NUP214: variants seen among roughly 807,000 people sequenced by gnomAD.
NUP214 encodes nucleoporin 214.
A neutral mutation model predicts 196.2 loss-of-function variants in NUP214; 79 were observed. The ratio of observed to expected loss-of-function variants is 0.40; its 90% CI spans 0.34 to 0.49. The LOEUF (loss-of-function observed/expected upper bound fraction) is 0.49. Ranked by LOEUF, NUP214 falls within the 20% of genes least tolerant of loss-of-function variation. The pLI, the probability that NUP214 is intolerant of heterozygous loss-of-function variation, is 0.58. For synonymous variants in NUP214, 1,020 were observed against 990.5 expected (o/e 1.03, Z -0.56); for missense variants, 2,468 against 2,539.0 (o/e 0.97, Z 0.60).
intron 32 of NUP214, among the ~76,000 whole-genome samples, chr9:131,223,699 CT>C (rs59233291): frequency 0.018 from 1,792 of 101,132 alleles, 65 homozygotes; most frequent in East Asian, 0.11. Flanking sequence ...TCGCAAATCA[CT>C]TTTTTTTTAT....
intron 32 of NUP214, among the ~76,000 whole-genome samples, chr9:131,227,457 T>G (rs1429470266): frequency 1.3e-5 from 2 of 151,782 alleles, no homozygotes; most frequent in African/African-American, 4.8e-5. Context: ...GGGAAGTAAT[T>G]CCAGACTGCA....
At chr9:131,169,992 G>A (rs576549029) in intron 21 of NUP214, among the ~76,000 whole-genome samples, 7 of 152,246 alleles carry the variant, frequency 4.6e-5, no homozygotes, top group African/African-American at 1.7e-4. Context: ...GGTGGCTGCC[G>A]GAAGCTGGAG....
chr9:131,144,061 A>G (rs186799541), intron 11 of NUP214, among the ~76,000 whole-genome samples: 4 of 152,312 alleles, frequency 2.6e-5, no homozygotes, highest in Non-Finnish European at 4.4e-5. Flanking sequence ...ATGAAGTCCA[A>G]TTATTCTAAT....
chr9:131,230,087 T>C (rs1482726249), intron 33 of NUP214: 1 of 213,600 alleles, frequency 4.7e-6, no homozygotes, highest in African/African-American at 2.4e-5. Flanking sequence ...CAGGGGATTG[T>C]CTCCAGGTGG....
chr9:131,155,957 A>G (rs571151545), intron 17 of NUP214, among the ~76,000 whole-genome samples: 1 of 152,148 alleles, frequency 6.6e-6, no homozygotes, highest in African/African-American at 2.4e-5. Context: ...TGCTTTGACT[A>G]TGTGGGCTCT....
At chr9:131,226,762 G>A (rs1482542942) in intron 32 of NUP214, among the ~76,000 whole-genome samples, 1 of 152,172 alleles carries the variant, frequency 6.6e-6, no homozygotes, top group African/African-American at 2.4e-5. Context: ...CAGTTGTGCA[G>A]CCTACCACTG....
intron 17 of NUP214, among the ~76,000 whole-genome samples, chr9:131,158,044 A>G (rs1435717341): frequency 9.9e-5 from 15 of 151,786 alleles, no homozygotes. Context: ...TGGCCTCCCA[A>G]AGTGCTGGGA....
chr9:131,197,461 C>A lies in NUP214; in HGVS notation c.3967C>A (p.Pro1323Thr), dbSNP rs143974993. 14 of 1,614,058 alleles carry A rather than the reference C, an allele frequency of 8.7e-6. No individual in the cohort carries two copies. The highest frequency in any genetic ancestry group is 1.1e-5 in the Non-Finnish European group (13 of 1,180,038). ...GTCCAAGCTGGGAGAGCTTCTGTTT[C>A]CAAGTTCTTTGGCTGGAGAGACTCT... ...PPSKLGELLF[P>T]SSLAGETLGS... Residue 1323 changes from proline to threonine, a missense_variant, in exon 29 of 36, where the codon CCA (proline) becomes ACA (threonine). Pro to Thr is a conservative substitution (Grantham distance 38, BLOSUM62 -1). Coordinates refer to ENST00000359428, the MANE Select transcript of NUP214 (RefSeq NM_005085.4).
At chr9:131,151,967 A>G in intron 17 of NUP214, 73 bp downstream of exon 17, 2 of 1,245,174 alleles carry the variant, frequency 1.6e-6, no homozygotes, top group Admixed American at 2.7e-5. Context: ...CTCTTTTTGC[A>G]TATAGATTTG....
chr9:131,202,345 G>A (rs867398982), intron 30 of NUP214, among the ~76,000 whole-genome samples: 18 of 152,190 alleles, frequency 1.2e-4, no homozygotes, highest in Middle Eastern at 6.8e-3. Context: ...TCTAAGAATG[G>A]TGTTTGTGTG....
chr9:131,143,386 A>T (rs560076796), intron 11 of NUP214, among the ~76,000 whole-genome samples: 1 of 151,826 alleles, frequency 6.6e-6, no homozygotes, highest in African/African-American at 2.4e-5. Context: ...TTATGTTTGT[A>T]AGCTTTATTC....
At chr9:131,223,175 T>C (rs1834610473) in intron 32 of NUP214, among the ~76,000 whole-genome samples, 1 of 151,982 alleles carries the variant, frequency 6.6e-6, no homozygotes, top group African/African-American at 2.4e-5. Context: ...TTTTTTTCTT[T>C]TTTTTTTTGT....
intron 27 of NUP214, chr9:131,192,626 G>A (rs904958188): frequency 5.8e-5 from 11 of 188,586 alleles, no homozygotes; most frequent in African/African-American, 2.4e-4. Flanking sequence ...ACCATTTTGG[G>A]GGCTAGATGT....
Position 131,146,019 on chromosome 9 carries a change from T to C in NUP214, c.1770-110T>C, listed in dbSNP as rs1832077861. 3.8e-6 allele frequency: 4 copies of C among 1,041,470 alleles called. No homozygotes were observed. The Admixed American group carries it at 6.7e-5, about 18-fold the overall frequency. The allele number at this position is 1,041,470 out of a possible 1,614,324, so 64.5% of individuals were successfully genotyped here. ...CTGAAGGCAAAAAGTATGTTATCTT[T>C]GTAAGTTAACATAAAAGATAATAAG... is the stretch of plus-strand genomic sequence containing the variant. On this transcript the variant is annotated intron_variant, in intron 12 of 35. Transcript: ENST00000359428. This position sits in a 1 kb window ranked among gnomAD's most constrained non-coding sequence, Gnocchi z 4.6.
chr9:131,166,285 A>C (rs1481782364), intron 21 of NUP214, among the ~76,000 whole-genome samples: 1 of 152,228 alleles, frequency 6.6e-6, no homozygotes, highest in Non-Finnish European at 1.5e-5. Context: ...CTTGTTGCCA[A>C]AATTTTCTCA....
intron 1 of NUP214, among the ~76,000 whole-genome samples, 157 bp from the exon 2 acceptor site, chr9:131,127,367 A>C (rs765172911): frequency 6.6e-6 from 1 of 152,218 alleles, no homozygotes; most frequent in Non-Finnish European, 1.5e-5. Context: ...TGGACGACAG[A>C]GCGAGACTCC....
Position 131,150,393 on chromosome 9 carries a change from G to C in NUP214, c.2110G>C (p.Ala704Pro), listed in dbSNP as rs1832221367. Residue 704 changes from alanine to proline, a missense_variant, in exon 15 of 36, where the codon GCT becomes CCT. By Grantham distance (27) the Ala-to-Pro change is conservative (BLOSUM62 -1). Transcript: ENST00000359428. Reference sequence around the variant, plus strand: ...GTGGAAAGATTCAGATCCTGTAATGGCTGGAATTGGGGAGGAGGTAAATTT... The same window carrying C: ...GTGGAAAGATTCAGATCCTGTAATGCCTGGAATTGGGGAGGAGGTAAATTT... ...HQWKDSDPVM[A>P]GIGEEIAHFQ... The C allele has an allele frequency of 6.2e-7, 1 of 1,614,040 alleles. No individual in the cohort carries two copies.
At chr9:131,130,192 G>A (rs548508379) in intron 4 of NUP214, among the ~76,000 whole-genome samples, 41 of 116,854 alleles carry the variant, frequency 3.5e-4, no homozygotes, top group African/African-American at 1.3e-3. Flanking sequence ...CGCCCAGGCT[G>A]GAGTGCAGTG....
Position 131,164,117 on chromosome 9 carries a change from A to G in NUP214, c.2866A>G (p.Thr956Ala), listed in dbSNP as rs1425920263. Residue 956 changes from threonine (T) to alanine (A), a missense_variant, in exon 21 of 36, where the codon ACC becomes GCC. This residue lies in a region of NUP214 where 1,801 missense variants were observed against 1,779.4 expected (regional missense o/e 1.01). Coordinates refer to ENST00000359428, the MANE Select transcript of NUP214 (RefSeq NM_005085.4). ...GAGAAACTTCTTGGCCAAGAGGAAG[A>G]CCCCACCAGTGAGATCCACTGCTCC... ...QLRNFLAKRKTPPVRSTAPAS... is the reference protein window; with the variant it reads ...QLRNFLAKRKAPPVRSTAPAS... The G allele has an allele frequency of 1.2e-6, 2 of 1,614,000 alleles. No homozygotes were observed. The highest frequency in any genetic ancestry group is 1.1e-5 in the South Asian group (1 of 91,068).
Sources: gnomAD v4.1 joint callset for allele counts (sites outside exome capture counted in the v4.1 genomes callset) on GRCh38, gnomAD v4.1.1 for gene constraint, gnomAD v4.1.1 regional missense constraint, Gnocchi (gnomAD v3.1) non-coding constraint, MANE v1.5 for transcripts, NCBI Gene and HGNC (gene_info 2026-07-23, HGNC 2026-07-21) for gene names.